Variants in PYGO1 observed in about 807,000 individuals in gnomAD.
PYGO1 encodes the protein pygopus family PHD finger 1.
In PYGO1, 6 loss-of-function variants were observed where a neutral mutation model predicts 29.5. That is an observed-to-expected ratio of 0.20 (90% CI 0.11 to 0.40). The LOEUF (loss-of-function observed/expected upper bound fraction) is 0.40. Among genes scored for constraint, PYGO1 ranks in the 10% least tolerant of loss-of-function variants. PYGO1 has a pLI of 1.00. For missense variants in PYGO1, 515 were observed against 514.9 expected, an observed-to-expected ratio of 1.00 and a Z score of 0.00; for synonymous variants, 186 against 180.5, an observed-to-expected ratio of 1.03 and a Z score of -0.24.
At chr15:55,560,385 C>G (rs1304059948) in intron 1 of PYGO1, among the ~76,000 whole-genome samples, 2 of 151,962 alleles carry the variant, frequency 1.3e-5, no homozygotes, top group African/African-American at 4.8e-5. Flanking sequence ...TATACACCAA[C>G]AACAACCAAG....
chr15:55,583,706 A>G (rs577280420), intron 1 of PYGO1, among the ~76,000 whole-genome samples: 7 of 152,034 alleles, frequency 4.6e-5, no homozygotes, highest in Admixed American at 2.0e-4. Flanking sequence ...TGGGTTCTCC[A>G]TATGTTGCCC....
chr15:55,558,985 G>C (rs1225961220), intron 1 of PYGO1, among the ~76,000 whole-genome samples: 2 of 151,908 alleles, frequency 1.3e-5, no homozygotes, highest in African/African-American at 4.8e-5. Flanking sequence ...TTGACAAATG[G>C]GATCTAATTA....
At chr15:55,578,464 A>T (rs1259434431) in intron 1 of PYGO1, among the ~76,000 whole-genome samples, 1 of 152,148 alleles carries the variant, frequency 6.6e-6, no homozygotes, top group Non-Finnish European at 1.5e-5. Context: ...ACATCATTTT[A>T]TATTTTCATC....
chr15:55,572,505 T>C (rs908307122), intron 1 of PYGO1, among the ~76,000 whole-genome samples: 1 of 152,202 alleles, frequency 6.6e-6, no homozygotes, highest in Admixed American at 6.5e-5. Flanking sequence ...CAATGATTTT[T>C]GGGATATGAC....
At chr15:55,588,768 C>T (rs772469785), upstream of PYGO1, 8 of 1,606,274 alleles carry the variant, frequency 5.0e-6, no homozygotes, top group Non-Finnish European at 6.8e-6. Flanking sequence ...GCAGGCGTCT[C>T]GGCCTCGCAG....
intron 1 of PYGO1, among the ~76,000 whole-genome samples, chr15:55,581,102 T>A (rs1486721157): frequency 6.6e-6 from 1 of 152,174 alleles, no homozygotes; most frequent in African/African-American, 2.4e-5. Context: ...AACACTATGA[T>A]AGAGATAAGC....
intron 1 of PYGO1, among the ~76,000 whole-genome samples, chr15:55,582,173 C>G (rs959464643): frequency 1.4e-5 from 2 of 144,792 alleles, no homozygotes; most frequent in African/African-American, 5.2e-5. Context: ...TGCCACTGCA[C>G]TCCAGCCTGG....
At chr15:55,561,760 G>C (rs1336953649) in intron 1 of PYGO1, among the ~76,000 whole-genome samples, 2 of 152,116 alleles carry the variant, frequency 1.3e-5, no homozygotes, top group African/African-American at 4.8e-5. Context: ...AACACTAAAA[G>C]AATATCTAGG....
chr15:55,558,783 G>T (rs2058919244), intron 1 of PYGO1, among the ~76,000 whole-genome samples: 1 of 152,170 alleles, frequency 6.6e-6, no homozygotes, highest in East Asian at 1.9e-4. Context: ...CCAGCCATAT[G>T]TAGAAAGCTG....
chr15:55,587,378 G>C (rs550633807), intron 1 of PYGO1, among the ~76,000 whole-genome samples: 6 of 151,638 alleles, frequency 4.0e-5, no homozygotes, highest in East Asian at 2.0e-4. Flanking sequence ...GCCGGGGTGG[G>C]GGGGCGAGAA....
intron 1 of PYGO1, among the ~76,000 whole-genome samples, chr15:55,573,240 A>T (rs2141670457): frequency 6.6e-6 from 1 of 152,222 alleles, no homozygotes. Flanking sequence ...TGGGAGGCAG[A>T]GGTTGCAGTG....
chr15:55,554,801 A>G (rs993995088), intron 1 of PYGO1, among the ~76,000 whole-genome samples: 2 of 152,214 alleles, frequency 1.3e-5, no homozygotes, highest in Non-Finnish European at 2.9e-5. Context: ...TTCTGAAATA[A>G]GAAAGGCAGA....
chr15:55,555,252 C>A (rs2058898962), intron 1 of PYGO1, among the ~76,000 whole-genome samples: 1 of 151,874 alleles, frequency 6.6e-6, no homozygotes, highest in South Asian at 2.1e-4. Flanking sequence ...TCATATCCGA[C>A]CAAACTAAGC....
At chr15:55,550,956 A>T (rs1297737011) in intron 1 of PYGO1, among the ~76,000 whole-genome samples, 1 of 152,188 alleles carries the variant, frequency 6.6e-6, no homozygotes, top group Non-Finnish European at 1.5e-5. Context: ...TCCACCTCAG[A>T]TCATCAAGCA....
intron 1 of PYGO1, among the ~76,000 whole-genome samples, chr15:55,568,419 T>C (rs370185554): frequency 7.9e-5 from 12 of 151,512 alleles, no homozygotes; most frequent in African/African-American, 2.9e-4. Context: ...TACTGGTATA[T>C]TGAAATGGTA....
chr15:55,564,838 G>A (rs1449819165), intron 1 of PYGO1, among the ~76,000 whole-genome samples: 1 of 152,140 alleles, frequency 6.6e-6, no homozygotes, highest in Non-Finnish European at 1.5e-5. Context: ...GTATCAGTAG[G>A]GTGAGTTCTT....
At position 55,555,059 on chromosome 15, in the gene PYGO1, C is replaced by G. The variant is rs1303446398; in HGVS notation, c.50-6064G>C. Among the ~76,000 whole-genome samples the G allele has an allele frequency of 5.3e-5, 8 of 151,926 alleles. No homozygotes were observed. The East Asian group carries it at 1.4e-3, about 26-fold the overall frequency. On this transcript the variant is annotated intron_variant, in intron 1 of 2. Coordinates refer to ENST00000563719, the MANE Select transcript of PYGO1 (RefSeq NM_001367806.1). ...GATCAACCCCAAGATACATAATCAT[C>G]AGATTCTCTGAGGTCAAGATGAAAA...
At chr15:55,554,141 TCACAG>T (rs1203359903) in intron 1 of PYGO1, among the ~76,000 whole-genome samples, 2 of 152,066 alleles carry the variant, frequency 1.3e-5, no homozygotes, top group African/African-American at 4.8e-5. Flanking sequence ...CTCCTAATGA[TCACAG>T]CACTTCTCCA....
In PYGO1 at chr15:55,543,573, A is replaced by G. The variant is rs565721313; in HGVS notation, c.*2450T>C. The G allele has an allele frequency of 6.6e-6, 1 of 152,354 alleles. No individual in the cohort carries two copies. Among genetic ancestry groups the G allele is most frequent in the African/African-American group, 2.4e-5 (1 of 41,598 alleles). 9.4% of individuals were successfully genotyped at this position (152,354 alleles called of 1,614,324 possible). ...GGAAATAGAAAATGAATTATATTGCATAACACATACCTTTAGACTAGCTTG... is the reference window on the plus strand; with the variant it reads ...GGAAATAGAAAATGAATTATATTGCGTAACACATACCTTTAGACTAGCTTG... On this transcript the variant is annotated 3_prime_UTR_variant, in exon 3 of 3. Coordinates refer to ENST00000563719, the MANE Select transcript of PYGO1 (RefSeq NM_001367806.1).
Sources: gnomAD v4.1 joint callset for allele counts (sites outside exome capture counted in the v4.1 genomes callset) on GRCh38, gnomAD v4.1.1 for gene constraint, MANE v1.5 for transcripts, NCBI Gene and HGNC (gene_info 2026-07-23, HGNC 2026-07-21) for gene names.